SAMMSON: variants seen among roughly 807,000 people sequenced by gnomAD.
The protein encoded by SAMMSON is long intergenic non-protein coding RNA 1212.
chr3:70,302,123 T>C (rs966297101), intron 7 of SAMMSON, among the ~76,000 whole-genome samples: 14 of 152,288 alleles, frequency 9.2e-5, no homozygotes, highest in African/African-American at 3.4e-4. Flanking sequence ...GCAAAACTAC[T>C]GTCATTGCCC....
At chr3:70,263,592 C>T (rs773299407) in intron 6 of SAMMSON, among the ~76,000 whole-genome samples, 1 of 152,126 alleles carries the variant, frequency 6.6e-6, no homozygotes, top group Non-Finnish European at 1.5e-5. Context: ...GTTTGTCATG[C>T]CTAGCCTCAT....
exon 8 of SAMMSON, chr3:70,354,206 C>T (rs991020849): frequency 3.9e-5 from 6 of 152,118 alleles, no homozygotes; most frequent in African/African-American, 1.4e-4. Context: ...GAGGAAGCTG[C>T]ATTAAAAGTA....
chr3:70,088,448 A>G (rs1302016707), intron 4 of SAMMSON, among the ~76,000 whole-genome samples: 1 of 152,154 alleles, frequency 6.6e-6, no homozygotes, highest in Admixed American at 6.5e-5. Flanking sequence ...ACCATGGTGC[A>G]TCCAACGTGC....
At chr3:70,187,469 G>T (rs1169540959) in intron 4 of SAMMSON, among the ~76,000 whole-genome samples, 2 of 110,826 alleles carry the variant, frequency 1.8e-5, no homozygotes, top group East Asian at 5.2e-4. Flanking sequence ...ACGGAGTTTC[G>T]CTCTGTCGCC....
At chr3:70,174,227 T>A (rs563413949) in intron 4 of SAMMSON, among the ~76,000 whole-genome samples, 1 of 152,174 alleles carries the variant, frequency 6.6e-6, no homozygotes, top group East Asian at 1.9e-4. Context: ...TTTATTAAGA[T>A]GGTATGAAGC....
At chr3:70,034,933 A>AT (rs2107584817) in intron 3 of SAMMSON, among the ~76,000 whole-genome samples, 1 of 152,256 alleles carries the variant, frequency 6.6e-6, no homozygotes, top group Non-Finnish European at 1.5e-5. Context: ...TGTTCTATTA[A>AT]TTTTTTACTG....
intron 7 of SAMMSON, among the ~76,000 whole-genome samples, chr3:70,296,114 G>A (rs1370222235): frequency 6.6e-6 from 1 of 152,168 alleles, no homozygotes; most frequent in Non-Finnish European, 1.5e-5. Context: ...GGTAGGGAAA[G>A]GGTGAAAGCC....
chr3:70,302,844 C>A (rs76994760), intron 7 of SAMMSON, among the ~76,000 whole-genome samples: 1 of 151,994 alleles, frequency 6.6e-6, no homozygotes, highest in Non-Finnish European at 1.5e-5. Context: ...CCTTTCATTC[C>A]GTTGGGATCA....
chr3:70,425,106 G>GTCAAATT (rs1701348270), intron 2 of SAMMSON: 1 of 152,178 alleles, frequency 6.6e-6, no homozygotes, highest in African/African-American at 2.4e-5. Context: ...TGACTTAACA[G>GTCAAATT]GGCACTATAC....
chr3:70,148,604 A>C (rs2067558378), intron 4 of SAMMSON, among the ~76,000 whole-genome samples: 1 of 152,092 alleles, frequency 6.6e-6, no homozygotes, highest in Non-Finnish European at 1.5e-5. Flanking sequence ...CAGAAGGTGA[A>C]GGGGAGCTGG....
At chr3:70,310,661 C>T (rs1702446132) in intron 7 of SAMMSON, among the ~76,000 whole-genome samples, 2 of 151,972 alleles carry the variant, frequency 1.3e-5, no homozygotes, top group African/African-American at 2.4e-5. Context: ...CCACTGCACC[C>T]GGCCATAGGT....
intron 4 of SAMMSON, among the ~76,000 whole-genome samples, chr3:70,132,412 A>G (rs1015628114): frequency 1.3e-5 from 2 of 152,202 alleles, no homozygotes; most frequent in African/African-American, 2.4e-5. Flanking sequence ...TGCTGTGTAC[A>G]TGTTAGCCTA....
chr3:70,338,483 G>A (rs1341466016), intron 7 of SAMMSON, among the ~76,000 whole-genome samples: 1 of 152,054 alleles, frequency 6.6e-6, no homozygotes, highest in Admixed American at 6.6e-5. Context: ...CAGATGACAT[G>A]ATTGTATATA....
At chr3:70,379,607 T>C (rs542207310) in intron 9 of SAMMSON, among the ~76,000 whole-genome samples, 1 of 152,280 alleles carries the variant, frequency 6.6e-6, no homozygotes, top group South Asian at 2.1e-4. Context: ...CCCTCTTCAC[T>C]GCTCAATCAG....
chr3:70,313,142 A>T (rs540100026), intron 7 of SAMMSON, among the ~76,000 whole-genome samples: 1 of 152,226 alleles, frequency 6.6e-6, no homozygotes, highest in Admixed American at 6.5e-5. Context: ...TCCAAAGATG[A>T]TATGTCATTA....
chr3:70,073,536 A>G (rs749098989), intron 4 of SAMMSON, among the ~76,000 whole-genome samples: 5 of 151,892 alleles, frequency 3.3e-5, no homozygotes, highest in Non-Finnish European at 2.9e-5. Flanking sequence ...AGAGTGTTAC[A>G]GGAACACCCA....
Position 70,339,519 on chromosome 3 carries a change from A to T in SAMMSON, n.740-14656A>T, listed in dbSNP as rs1702693606. On this transcript the variant is annotated intron_variant and non_coding_transcript_variant, in intron 7 of 9. Coordinates refer to ENST00000642114, the Ensembl canonical transcript of SAMMSON. ...AATCTACCCATCTGACAAAGGGCTA[A>T]TATCCAGAATCTACAAAGAACTTAA... Among the ~76,000 whole-genome samples the T allele has an allele frequency of 2.0e-5, 3 of 152,224 alleles. No homozygotes were observed. The South Asian group carries it at 6.2e-4, about 32-fold the overall frequency.
At chr3:70,407,629 T>C (rs1701186910) in intron 2 of SAMMSON, among the ~76,000 whole-genome samples, 1 of 152,250 alleles carries the variant, frequency 6.6e-6, no homozygotes, top group Admixed American at 6.5e-5. Flanking sequence ...TCCCATGGTC[T>C]TGGGCAGCTC....
chr3:70,319,888 A>G (rs2106716220), intron 7 of SAMMSON, among the ~76,000 whole-genome samples: 1 of 152,164 alleles, frequency 6.6e-6, no homozygotes, highest in East Asian at 1.9e-4. Context: ...AAAAATTGGG[A>G]CACTAAAATC....
Sources: allele counts gnomAD v4.1 joint callset (sites outside exome capture counted in the v4.1 genomes callset), GRCh38; gene constraint gnomAD v4.1.1; transcripts MANE v1.5; gene names NCBI Gene and HGNC (gene_info 2026-07-23, HGNC 2026-07-21).